Variants in MFN2 observed in about 807,000 individuals in gnomAD.
MFN2 encodes mitofusin-2.
MFN2 carries 43 observed loss-of-function variants against 87.5 expected under a neutral mutation model. The observed-to-expected ratio is 0.49, with a 90% CI of 0.38 to 0.63. MFN2 has a LOEUF of 0.63. MFN2 is among the 30% of genes least tolerant of loss of function. MFN2 has a pLI of 0.00. For missense variants in MFN2, 743 were observed against 972.8 expected (o/e 0.76, Z 3.14); for synonymous variants, 337 against 359.9 (o/e 0.94, Z 0.72).
At chr1:11,986,851 A>T (rs1638432540) in intron 2 of MFN2, among the ~76,000 whole-genome samples, 1 of 151,988 alleles carries the variant, frequency 6.6e-6, no homozygotes. Flanking sequence ...TGCAGGGATT[A>T]TAGGTGTGAG....
At chr1:11,995,489 C>T (rs956658238) in intron 4 of MFN2, among the ~76,000 whole-genome samples, 4 of 151,082 alleles carry the variant, frequency 2.6e-5, no homozygotes, top group Admixed American at 6.6e-5. Context: ...AAAAATTAGC[C>T]GGGCATGGTG....
intron 2 of MFN2, among the ~76,000 whole-genome samples, chr1:11,984,340 G>A (rs1638295268): frequency 6.6e-6 from 1 of 152,136 alleles, no homozygotes; most frequent in Non-Finnish European, 1.5e-5. Flanking sequence ...AGTTGCCTCT[G>A]CCCTCCCTGA....
intron 17 of MFN2, among the ~76,000 whole-genome samples, chr1:12,009,011 A>C (rs1357571380): frequency 2.0e-5 from 3 of 152,248 alleles, no homozygotes; most frequent in Non-Finnish European, 4.4e-5. Flanking sequence ...CAGCGCGGCC[A>C]ACACAGCGAA....
chr1:12,004,907 C>T lies in MFN2; in HGVS notation c.1475C>T (p.Thr492Ile). The T allele has an allele frequency of 6.2e-7, 1 of 1,611,298 alleles. No homozygotes were observed. Among genetic ancestry groups the T allele is most frequent in the Non-Finnish European group, 8.5e-7 (1 of 1,178,720 alleles). The change falls in exon 14 of 19, where the codon ACC (threonine) becomes ATC (isoleucine). Residue 492 changes from threonine to isoleucine, a missense_variant. Thr to Ile is a moderately conservative substitution (Grantham distance 89). Coordinates refer to ENST00000235329, the MANE Select transcript of MFN2 (RefSeq NM_014874.4). This position sits in a 1 kb window ranked among gnomAD's most constrained non-coding sequence, Gnocchi z 4.2. ...ACGGCCATCACCAACTCCCTGCAGA[C>T]CATGCAGCAGGACATGATAGGTTAG... ...CSTAITNSLQ[T>I]MQQDMIDGLK...
chr1:11,998,915 C>A (rs764854432), intron 7 of MFN2, 37 bp downstream of exon 7: 6 of 1,611,034 alleles, frequency 3.7e-6, no homozygotes, highest in Admixed American at 3.3e-5. Flanking sequence ...GCTCCCAGCA[C>A]CCCCTGGGCA....
intron 4 of MFN2, among the ~76,000 whole-genome samples, chr1:11,995,353 C>A (rs910302662): frequency 1.3e-5 from 2 of 152,168 alleles, no homozygotes; most frequent in Non-Finnish European, 1.5e-5. Context: ...AGAAAGTAGG[C>A]TGGGCATGGT....
intron 2 of MFN2, among the ~76,000 whole-genome samples, chr1:11,984,583 T>G (rs1285260704): frequency 6.6e-6 from 1 of 152,210 alleles, no homozygotes; most frequent in African/African-American, 2.4e-5. Context: ...TTTTTTGATA[T>G]AATGTTAGAT....
At chr1:11,983,128 A>G (rs1465143090) in intron 2 of MFN2, among the ~76,000 whole-genome samples, 2 of 151,992 alleles carry the variant, frequency 1.3e-5, no homozygotes, top group Non-Finnish European at 2.9e-5. Flanking sequence ...GCGATCTTGC[A>G]GTGGCGTGAT....
At chr1:11,984,471 A>G (rs886960109) in intron 2 of MFN2, among the ~76,000 whole-genome samples, 2 of 152,218 alleles carry the variant, frequency 1.3e-5, no homozygotes, top group African/African-American at 4.8e-5. Context: ...TTGCGTCATC[A>G]ACTTTAGTCT....
At chr1:11,991,843 G>A (rs1638691599) in intron 3 of MFN2, among the ~76,000 whole-genome samples, 1 of 141,418 alleles carries the variant, frequency 7.1e-6, no homozygotes, top group African/African-American at 2.7e-5. Context: ...AGAATGGCGT[G>A]AACCCGGGAG....
Position 12,011,638 on chromosome 1 carries a change from G to A in MFN2, c.*73G>A. 3.9e-6 allele frequency: 6 copies of A among 1,530,028 alleles called. No individual in the cohort carries two copies. Among genetic ancestry groups the A allele is most frequent in the Non-Finnish European group, 5.4e-6 (6 of 1,106,620 alleles). The allele number at this position is 1,530,028 out of a possible 1,614,324, so 94.8% of individuals were successfully genotyped here. A position where few individuals can be genotyped will look rare whatever the true frequency, so the allele number is the denominator to read the frequency against. On this transcript the variant is annotated 3_prime_UTR_variant, in exon 19 of 19. Transcript: ENST00000235329. The stretch of plus-strand genomic sequence containing the variant: ...CCTAAGTGCCATGTGGGCTCCCCCA[G>A]GGGCACGTGTGGCTCCTGCCCCCTG...
In MFN2 at chr1:11,988,409, T is replaced by TTC. The variant is rs1553140785; in HGVS notation, c.-4-755_-4-754insCT. ...TAACCCACCATGCCTGGCTGTTTTT[T>TTC]TTTTTTTTTTTAAATAGAGACGGGG... On this transcript the variant is annotated intron_variant, in intron 2 of 18. Transcript: ENST00000235329. Among the ~76,000 whole-genome samples, 4 of 150,762 alleles carry TTC rather than the reference T, an allele frequency of 2.7e-5. No individual in the cohort carries two copies. The East Asian group carries it at 7.8e-4, about 29-fold the overall frequency.
At chr1:12,005,285 G>A (rs1369682185) in intron 14 of MFN2, among the ~76,000 whole-genome samples, 3 of 152,162 alleles carry the variant, frequency 2.0e-5, no homozygotes, top group Non-Finnish European at 4.4e-5. Flanking sequence ...GTTTTGCCAC[G>A]TTGGCCAGGC....
intron 17 of MFN2, among the ~76,000 whole-genome samples, chr1:12,008,432 A>C (rs1436810886): frequency 1.8e-5 from 2 of 111,672 alleles, no homozygotes; most frequent in Admixed American, 8.3e-5. Context: ...GACCCCCCCC[A>C]CCTCCCTCCC....
rs749399612 is a variant in MFN2 at position 12,011,535 on chromosome 1, C to T, written c.2244C>T (p.Phe748=). 1.2e-6 allele frequency: 2 copies of T among 1,614,124 alleles called. No homozygotes were observed. Among genetic ancestry groups the T allele is most frequent in the Non-Finnish European group, 1.7e-6 (2 of 1,180,042 alleles). ...AGWLDSELNM[F]THQYLQPSR ...GGTTGGACAGTGAGCTCAACATGTT[C>T]ACACACCAGTACCTGCAGCCCAGCA... is the stretch of plus-strand genomic sequence containing the variant. The change falls in exon 19 of 19, where the codon TTC becomes TTT. Residue 748 remains phenylalanine (F), a synonymous_variant. Coordinates refer to ENST00000235329, the MANE Select transcript of MFN2 (RefSeq NM_014874.4).
At position 11,992,634 on chromosome 1, in the gene MFN2, G is replaced by A. The variant is rs369618013; in HGVS notation, c.255G>A (p.Val85=). 1.2e-6 allele frequency: 2 copies of A among 1,614,082 alleles called. No homozygotes were observed. Among genetic ancestry groups the A allele is most frequent in the African/African-American group, 2.7e-5 (2 of 74,938 alleles). ...ACGTCAAAGGTTACCTATCCAAAGT[G>A]AGAGGCATCAGTGAGGTGCTGGCTC... The part of the protein sequence containing the change: ...VLDVKGYLSK[V]RGISEVLARR... Residue 85 remains valine, a synonymous_variant, in exon 4 of 19, where the codon GTG becomes GTA. Transcript: ENST00000235329.
rs186535545 is a variant in MFN2 at position 12,001,168 on chromosome 1, G to A, written c.817-233G>A. On this transcript the variant is annotated intron_variant, in intron 8 of 18. Coordinates refer to ENST00000235329, the MANE Select transcript of MFN2 (RefSeq NM_014874.4). ...TGGGATTACAGGCGCCTGCCACCATGCCTGGCTAATTTTTTTGTATTTTTA... is the reference window on the plus strand; with the variant it reads ...TGGGATTACAGGCGCCTGCCACCATACCTGGCTAATTTTTTTGTATTTTTA... Among the ~76,000 whole-genome samples the A allele has an allele frequency of 1.7e-3, 252 of 152,208 alleles. 1 individual carries two copies. Among genetic ancestry groups the A allele is most frequent in the African/African-American group, 5.9e-3 (246 of 41,506 alleles).
chr1:12,010,636 AG>A (rs1279644367), intron 18 of MFN2, among the ~76,000 whole-genome samples: 1 of 152,166 alleles, frequency 6.6e-6, no homozygotes, highest in Non-Finnish European at 1.5e-5. Flanking sequence ...TTTGCTGGAA[AG>A]AACATCAGTC....
chr1:12,001,557 A>G lies in MFN2; in HGVS notation c.970+3A>G, dbSNP rs2100839580. 6.2e-7 allele frequency: 1 copy of G among 1,614,184 alleles called. No homozygotes were observed. Among genetic ancestry groups the G allele is most frequent in the South Asian group, 1.1e-5 (1 of 91,086 alleles). ...AGCCCAGGGCATGCCTGAAGGAGGT[A>G]ATGATGAGAACAGATGTCCTCCTTT... is the stretch of plus-strand genomic sequence containing the variant. On this transcript the variant is annotated splice_donor_region_variant and intron_variant, in intron 9 of 18. Coordinates refer to ENST00000235329, the MANE Select transcript of MFN2 (RefSeq NM_014874.4).
Sources: gnomAD v4.1 joint callset for allele counts (sites outside exome capture counted in the v4.1 genomes callset) on GRCh38, gnomAD v4.1.1 for gene constraint, Gnocchi (gnomAD v3.1) non-coding constraint, MANE v1.5 for transcripts, NCBI Gene and HGNC (gene_info 2026-07-23, HGNC 2026-07-21) for gene names.